The following ZRSR2 variants were observed in gnomAD, a reference collection of about 807,000 sequenced individuals.
The protein encoded by ZRSR2 is U2 small nuclear ribonucleoprotein auxiliary factor 35 kDa subunit-related protein 2.
In ZRSR2, 3 loss-of-function variants were observed where a neutral mutation model predicts 39.4. The ratio of observed to expected loss-of-function variants is 0.08; its 90% confidence interval spans 0.03 to 0.20. ZRSR2 has a LOEUF of 0.20. ZRSR2 is among the 10% of genes least tolerant of loss of function. The pLI is 1.00. For missense variants in ZRSR2, 256 were observed against 391.5 expected (o/e 0.65, Z 2.92); for synonymous variants, 137 against 136.0 (o/e 1.01, Z -0.05).
chrX:15,807,291 G>C (rs940221398), intron 5 of ZRSR2, among the ~76,000 whole-genome samples: 1 of 110,849 alleles, frequency 9.0e-6, no homozygotes, highest in African/African-American at 3.3e-5. Context: ...TCGTTTGTTT[G>C]TTTGTTCGTT....
At chrX:15,799,775 C>A in intron 2 of ZRSR2, 97 bp from the exon 3 acceptor site, 1 of 513,953 alleles carries the variant, frequency 1.9e-6, no homozygotes, top group Non-Finnish European at 3.1e-6. Context: ...AGATTTTTAC[C>A]ATAATTTTAT....
rs1220090515 is a variant in ZRSR2 at position 15,790,486 on chromosome X, T to G, written c.-10T>G. ...TGCCAGACCTGGAGGGGCGGGGCGG[T>G]GCCGGCAAGATGGCTGCGCCCGAGA... On this transcript the variant is annotated 5_prime_UTR_variant, in exon 1 of 11. Coordinates refer to ENST00000307771, the MANE Select transcript of ZRSR2 (RefSeq NM_005089.4). The G allele has an allele frequency of 1.8e-5, 21 of 1,157,314 alleles. No homozygotes were observed. Among genetic ancestry groups the G allele is most frequent in the African/African-American group, 1.3e-4 (7 of 54,886 alleles).
chrX:15,818,857 AC>A (rs1327675422), intron 9 of ZRSR2, among the ~76,000 whole-genome samples: 13 of 109,419 alleles, frequency 1.2e-4, no homozygotes, highest in African/African-American at 4.3e-4. Flanking sequence ...TGCCACCTCC[AC>A]CTCCCAGGTT....
At chrX:15,808,778 C>T (rs1203922106) in intron 6 of ZRSR2, among the ~76,000 whole-genome samples, 2 of 110,279 alleles carry the variant, frequency 1.8e-5, no homozygotes, top group East Asian at 2.9e-4. Flanking sequence ...TGCACCACCA[C>T]GCCCAGCTAA....
intron 7 of ZRSR2, among the ~76,000 whole-genome samples, chrX:15,811,671 G>A (rs1032122721): frequency 1.3e-4 from 15 of 111,504 alleles, no homozygotes; most frequent in Non-Finnish European, 2.6e-4. Flanking sequence ...TGTGATCCAC[G>A]TGCCTCGGCC....
At chrX:15,812,901 A>C (rs990393141) in intron 7 of ZRSR2, among the ~76,000 whole-genome samples, 1 of 112,449 alleles carries the variant, frequency 8.9e-6, no homozygotes, top group African/African-American at 3.2e-5. Context: ...CTGGCACCAG[A>C]TTCTAAAGGT....
At chrX:15,822,291 C>T (rs1042328462) in intron 10 of ZRSR2, among the ~76,000 whole-genome samples, 1 of 110,345 alleles carries the variant, frequency 9.1e-6, no homozygotes, top group African/African-American at 3.3e-5. Context: ...CACCTGGCCA[C>T]GCCTTCTCTT....
rs1932516870 is a variant in ZRSR2, at chrX:15,797,438, G to T, written c.122-2434G>T. Among the ~76,000 whole-genome samples, 3 of 110,843 alleles carry T rather than the reference G, an allele frequency of 2.7e-5. No homozygotes were observed. In the Admixed American group the frequency reaches 2.9e-4, roughly 11 times the overall value. ...TTGGCCAGGCTGGTCTCGAACTCCTGACCTCAGGTGATCCGCCCGCCTTGG... is the reference window on the plus strand; with the variant it reads ...TTGGCCAGGCTGGTCTCGAACTCCTTACCTCAGGTGATCCGCCCGCCTTGG... On this transcript the variant is annotated intron_variant, in intron 2 of 10. Coordinates refer to ENST00000307771, the MANE Select transcript of ZRSR2 (RefSeq NM_005089.4).
chrX:15,810,813 T>C (rs2147286211), intron 7 of ZRSR2, among the ~76,000 whole-genome samples: 1 of 106,777 alleles, frequency 9.4e-6, no homozygotes, highest in East Asian at 2.9e-4. Context: ...GCTCAGGAGT[T>C]TGAGACCAGC....
chrX:15,816,671 G>A (rs1431187857), intron 8 of ZRSR2, among the ~76,000 whole-genome samples: 1 of 110,974 alleles, frequency 9.0e-6, no homozygotes, highest in African/African-American at 3.3e-5. Flanking sequence ...GATCTGAGCT[G>A]GAATGCCTTT....
intron 5 of ZRSR2, 116 bp from the exon 6 acceptor site, chrX:15,808,117 A>C: frequency 1.6e-6 from 1 of 629,721 alleles, no homozygotes; most frequent in Admixed American, 2.6e-5. Context: ...AGAAAACTAG[A>C]ACTTGTGTGC....
At position 15,790,920 on chromosome X, in the gene ZRSR2, T is replaced by C. The variant is rs766371760; in HGVS notation, c.42-14T>C. 2 of 1,206,638 alleles carry C rather than the reference T, an allele frequency of 1.7e-6. No homozygotes were observed. The highest frequency in any genetic ancestry group is 2.2e-6 in the Non-Finnish European group (2 of 891,030). ...GTAGCCGCTGATCGTCGTGTATATG[T>C]CTTAATCTTCCAGCCACAAAAAGTA... On this transcript the variant is annotated splice_polypyrimidine_tract_variant and intron_variant, in intron 1 of 10. Transcript: ENST00000307771.
At chrX:15,822,125 G>A (rs1933122577) in intron 10 of ZRSR2, among the ~76,000 whole-genome samples, 1 of 110,192 alleles carries the variant, frequency 9.1e-6, no homozygotes, top group South Asian at 3.9e-4. Context: ...TGAGTAGCTG[G>A]GATTACAAGC....
intron 1 of ZRSR2, 37 bp from the exon 2 acceptor site, chrX:15,790,897 A>C: frequency 8.6e-7 from 1 of 1,164,073 alleles, no homozygotes; most frequent in Non-Finnish European, 1.2e-6. Flanking sequence ...GCTGCATTGT[A>C]GCCGCTGATC....
At chrX:15,803,268 A>G (rs1389764535) in intron 3 of ZRSR2, among the ~76,000 whole-genome samples, 1 of 110,543 alleles carries the variant, frequency 9.0e-6, no homozygotes, top group Non-Finnish European at 1.9e-5. Flanking sequence ...GTCTCAAAAT[A>G]AATAAATAAA....
At chrX:15,791,964 C>A (rs1486460711) in intron 2 of ZRSR2, among the ~76,000 whole-genome samples, 2 of 111,732 alleles carry the variant, frequency 1.8e-5, no homozygotes, top group Non-Finnish European at 3.8e-5. Flanking sequence ...CCCTGGCCCA[C>A]CTGGCTAATT....
intron 2 of ZRSR2, among the ~76,000 whole-genome samples, chrX:15,799,394 C>G (rs1221298586): frequency 9.1e-6 from 1 of 109,916 alleles, no homozygotes; most frequent in African/African-American, 3.3e-5. Flanking sequence ...AAGTTTTTCT[C>G]CATTTTTTAG....
At chrX:15,791,951 C>T (rs902025603) in intron 2 of ZRSR2, among the ~76,000 whole-genome samples, 3 of 111,850 alleles carry the variant, frequency 2.7e-5, no homozygotes, top group Non-Finnish European at 5.7e-5. Flanking sequence ...CGTGAGCTAC[C>T]GCCCCTGGCC....
In ZRSR2 at chrX:15,809,227, C is replaced by G. The variant is rs1201655385; in HGVS notation, c.466C>G (p.Pro156Ala). Residue 156 changes from proline (P) to alanine (A), a missense_variant, in exon 7 of 11, where the codon CCA becomes GCA. Around this residue, in one of 3 missense-constraint regions of ZRSR2, gnomAD observed 87 missense variants for 111.7 expected, o/e 0.78. Coordinates refer to ENST00000307771, the MANE Select transcript of ZRSR2 (RefSeq NM_005089.4). ...GGAAAATGGTACCACATGGCAAAAC[C>G]CAGAACCACCCGTGGATTTCAGAGT... ...ELENGTTWQNPEPPVDFRVME... is the reference protein window; with the variant it reads ...ELENGTTWQNAEPPVDFRVME... 8.3e-7 allele frequency: 1 copy of G among 1,209,804 alleles called. No individual in the cohort carries two copies. Among genetic ancestry groups the G allele is most frequent in the Middle Eastern group, 2.3e-4 (1 of 4,348 alleles).
Sources: gnomAD v4.1 joint callset for allele counts (sites outside exome capture counted in the v4.1 genomes callset) on GRCh38, gnomAD v4.1.1 for gene constraint, gnomAD v4.1.1 regional missense constraint, MANE v1.5 for transcripts, NCBI Gene and HGNC (gene_info 2026-07-23, HGNC 2026-07-21) for gene names.